GSK3B: variants seen among roughly 807,000 people sequenced by gnomAD.
GSK3B encodes the protein glycogen synthase kinase-3 beta.
A neutral mutation model predicts 56.4 loss-of-function variants in GSK3B; 15 were observed. The observed-to-expected ratio is 0.27, with a 90% CI of 0.18 to 0.41. GSK3B has a LOEUF of 0.41. Ranked by LOEUF, GSK3B falls within the 10% of genes least tolerant of loss-of-function variation. The probability of loss-of-function intolerance (pLI) is 1.00; values close to 1 mark genes in which losing one functional copy is unlikely to be tolerated. For synonymous variants in GSK3B, 181 were observed against 188.9 expected, an observed-to-expected ratio of 0.96 and a Z score of 0.34; for missense variants, 300 against 513.4, an observed-to-expected ratio of 0.58 and a Z score of 4.02.
chr3:119,904,375 T>C (rs1204905097), intron 7 of GSK3B, among the ~76,000 whole-genome samples: 2 of 152,140 alleles, frequency 1.3e-5, no homozygotes, highest in Admixed American at 1.3e-4. Flanking sequence ...AATAGTTCTG[T>C]TAACAAGTGT....
rs114318086 is a variant in GSK3B, at chr3:119,834,944, A to G, written c.1196-8089T>C. ...AGCTGGTTTGATTTTAGGTATCTAT[A>G]TACAAACTCACAAAGTGAACCTGAA... On this transcript the variant is annotated intron_variant, in intron 10 of 10. Transcript: ENST00000264235. Among the ~76,000 whole-genome samples the G allele has an allele frequency of 3.6e-3, 548 of 152,362 alleles. 3 individuals are homozygous for G. Among genetic ancestry groups the G allele is most frequent in the African/African-American group, 0.012 (514 of 41,582 alleles).
intron 1 of GSK3B, among the ~76,000 whole-genome samples, chr3:120,068,442 T>C (rs1241256843): frequency 6.8e-6 from 1 of 147,776 alleles, no homozygotes; most frequent in Non-Finnish European, 1.5e-5. Context: ...GGCTCATGCC[T>C]GTATTCCCAG....
chr3:119,876,617 A>G, intron 7 of GSK3B, 109 bp from the exon 8 acceptor site: 1 of 669,056 alleles, frequency 1.5e-6, no homozygotes, highest in Non-Finnish European at 2.7e-6. Flanking sequence ...AGTTAAATAA[A>G]ATACGTAACT....
intron 6 of GSK3B, among the ~76,000 whole-genome samples, chr3:119,911,751 C>G (rs553065928): frequency 1.3e-5 from 2 of 152,262 alleles, no homozygotes; most frequent in African/African-American, 4.8e-5. Flanking sequence ...CAGCTTTTTA[C>G]CCTTAATCCT....
chr3:119,865,582 G>A (rs2056171770), intron 8 of GSK3B, among the ~76,000 whole-genome samples: 1 of 147,542 alleles, frequency 6.8e-6, no homozygotes, highest in African/African-American at 2.5e-5. Context: ...CCATTCTCCT[G>A]CCTCAGCCTC....
chr3:119,917,992 A>G (rs1272628879), intron 4 of GSK3B, among the ~76,000 whole-genome samples: 1 of 152,108 alleles, frequency 6.6e-6, no homozygotes, highest in African/African-American at 2.4e-5. Flanking sequence ...ACCTTATGTA[A>G]TAAGTACTAA....
chr3:120,065,333 A>G (rs2058269751), intron 1 of GSK3B, among the ~76,000 whole-genome samples: 1 of 152,206 alleles, frequency 6.6e-6, no homozygotes, highest in African/African-American at 2.4e-5. Context: ...GAAAATACAC[A>G]AACCACCAAC....
intron 7 of GSK3B, among the ~76,000 whole-genome samples, chr3:119,880,786 T>C (rs1326209254): frequency 6.6e-6 from 1 of 152,210 alleles, no homozygotes; most frequent in African/African-American, 2.4e-5. Context: ...TGTGTATGTG[T>C]ATACATGTAC....
At chr3:119,995,040 T>TA (rs1225576941) in intron 2 of GSK3B, among the ~76,000 whole-genome samples, 1 of 149,830 alleles carries the variant, frequency 6.7e-6, no homozygotes, top group Non-Finnish European at 1.5e-5. Flanking sequence ...TTTCAGGAAA[T>TA]AATATGTGTA....
chr3:120,005,136 G>A (rs1419514637), intron 1 of GSK3B, among the ~76,000 whole-genome samples: 1 of 151,990 alleles, frequency 6.6e-6, no homozygotes, highest in African/African-American at 2.4e-5. Context: ...GCATACACAA[G>A]CTTCAGTAGC....
At chr3:120,000,151 AAATC>A (rs1191587553) in intron 2 of GSK3B, among the ~76,000 whole-genome samples, 4 of 152,248 alleles carry the variant, frequency 2.6e-5, no homozygotes, top group Non-Finnish European at 4.4e-5. Context: ...GGAAAAAAGA[AAATC>A]AAGTTAAACA....
At chr3:119,937,291 T>C (rs77881395) in intron 3 of GSK3B, among the ~76,000 whole-genome samples, 2,315 of 152,180 alleles carry the variant, frequency 0.015, 85 homozygotes, top group African/African-American at 0.051. Flanking sequence ...AATGGAATTG[T>C]GCCTTCCTCT....
intron 1 of GSK3B, among the ~76,000 whole-genome samples, chr3:120,027,066 C>CAA (rs757528334): frequency 1.4e-4 from 12 of 87,664 alleles, no homozygotes; most frequent in African/African-American, 4.7e-4. Context: ...GCAAGACTTC[C>CAA]AAAAAAAAAA....
intron 1 of GSK3B, among the ~76,000 whole-genome samples, chr3:120,033,027 G>A (rs1448715115): frequency 6.6e-6 from 1 of 152,100 alleles, no homozygotes; most frequent in Non-Finnish European, 1.5e-5. Context: ...TTCCATTCCA[G>A]CCCTAAGGAA....
chr3:119,930,725 CAAAAAGAAA>C (rs1305370489), intron 3 of GSK3B, among the ~76,000 whole-genome samples: 1 of 152,046 alleles, frequency 6.6e-6, no homozygotes, highest in African/African-American at 2.4e-5. Context: ...GAACAGAACT[CAAAAAGAAA>C]AAACACTGAG....
chr3:120,059,009 CA>C (rs1358575864), intron 1 of GSK3B, among the ~76,000 whole-genome samples: 3,532 of 64,602 alleles, frequency 0.055, 116 homozygotes, highest in African/African-American at 0.16. Context: ...GACTCTGTCT[CA>C]AAAAAAAAAA....
At chr3:120,000,154 T>C (rs150832362) in intron 2 of GSK3B, among the ~76,000 whole-genome samples, 9 of 151,846 alleles carry the variant, frequency 5.9e-5, no homozygotes, top group African/African-American at 1.9e-4. Context: ...AAAAAGAAAA[T>C]CAAGTTAAAC....
intron 10 of GSK3B, among the ~76,000 whole-genome samples, chr3:119,839,284 G>A (rs2055737095): frequency 6.6e-6 from 1 of 152,184 alleles, no homozygotes; most frequent in African/African-American, 2.4e-5. Flanking sequence ...GCTAACAACA[G>A]TAACTGACTA....
chr3:119,863,142 T>C lies in GSK3B; in HGVS notation c.1096+277A>G, dbSNP rs567417967. ...TACATTTGTCCAATTAGTGATAAAC[T>C]TCACTCACTGAACTCTCTGTAACTT... On this transcript the variant is annotated intron_variant, in intron 9 of 10. Coordinates refer to ENST00000264235, the MANE Select transcript of GSK3B (RefSeq NM_001146156.2). Among the ~76,000 whole-genome samples the C allele has an allele frequency of 3.9e-5, 6 of 152,342 alleles. No individual in the cohort carries two copies. In the South Asian group the frequency reaches 1.2e-3, roughly 32 times the overall value.
Sources: gnomAD v4.1 joint callset for allele counts (sites outside exome capture counted in the v4.1 genomes callset) on GRCh38, gnomAD v4.1.1 for gene constraint, MANE v1.5 for transcripts, NCBI Gene and HGNC (gene_info 2026-07-23, HGNC 2026-07-21) for gene names.